KCNMA1: variants seen among roughly 807,000 people sequenced by gnomAD.
KCNMA1 encodes the protein Calcium-activated potassium channel subunit alpha-1.
KCNMA1 carries 29 observed loss-of-function variants against 140.0 expected under a neutral mutation model. The observed-to-expected ratio is 0.21, with a 90% CI of 0.15 to 0.28. The LOEUF (loss-of-function observed/expected upper bound fraction) is 0.28. KCNMA1 is among the 10% of genes least tolerant of loss of function. The pLI is 1.00. For synonymous variants in KCNMA1, 612 were observed against 611.9 expected (o/e 1.00, Z 0.00); for missense variants, 880 against 1,602.2 (o/e 0.55, Z 7.70).
intron 5 of KCNMA1, among the ~76,000 whole-genome samples, chr10:77,154,090 G>C (rs539840074): frequency 9.4e-4 from 143 of 152,180 alleles, no homozygotes; most frequent in African/African-American, 3.1e-3. Flanking sequence ...TGCTTTTCTC[G>C]TGATAGTGAG....
intron 2 of KCNMA1, 43 bp from the exon 3 acceptor site, chr10:77,251,299 T>A: frequency 6.5e-7 from 1 of 1,535,824 alleles, no homozygotes; most frequent in African/African-American, 1.4e-5. Flanking sequence ...GAGTTGGACC[T>A]CAGGATGTTT....
At chr10:77,196,818 C>T (rs1460719335) in intron 3 of KCNMA1, among the ~76,000 whole-genome samples, 2 of 152,088 alleles carry the variant, frequency 1.3e-5, no homozygotes, top group African/African-American at 2.4e-5. Context: ...GAATGCCTCG[C>T]CTTTCATTTT....
chr10:77,620,976 A>G (rs1277542709), intron 1 of KCNMA1, among the ~76,000 whole-genome samples: 1 of 152,210 alleles, frequency 6.6e-6, no homozygotes, highest in Non-Finnish European at 1.5e-5. Flanking sequence ...ATGATGTCTT[A>G]CATGACCCCA....
intron 6 of KCNMA1, among the ~76,000 whole-genome samples, chr10:77,119,398 C>T (rs577329979): frequency 2.2e-4 from 33 of 152,282 alleles, no homozygotes; most frequent in African/African-American, 7.0e-4. Flanking sequence ...GAGAGACAGA[C>T]ACTACCCAAT....
chr10:77,467,672 G>A (rs958518996), intron 1 of KCNMA1, among the ~76,000 whole-genome samples: 3 of 152,242 alleles, frequency 2.0e-5, no homozygotes, highest in Non-Finnish European at 4.4e-5. Flanking sequence ...CCAGACTTGA[G>A]AGAGGACAGT....
intron 5 of KCNMA1, among the ~76,000 whole-genome samples, chr10:77,177,569 G>C (rs907523547): frequency 2.6e-5 from 4 of 151,356 alleles, no homozygotes; most frequent in Non-Finnish European, 4.4e-5. Context: ...AAACACCTGA[G>C]CTCAGGGGTC....
chr10:76,883,469 A>C (rs1172642828), downstream of KCNMA1, among the ~76,000 whole-genome samples: 1 of 152,164 alleles, frequency 6.6e-6, no homozygotes, highest in Admixed American at 6.5e-5. Context: ...CTTTGGGAAG[A>C]ACCTGGGTAG....
At chr10:77,575,668 G>A (rs141547647) in intron 1 of KCNMA1, among the ~76,000 whole-genome samples, 116 of 152,368 alleles carry the variant, frequency 7.6e-4, no homozygotes, top group Middle Eastern at 3.4e-3. Context: ...AATATTGGCT[G>A]CACATTAGGA....
intron 2 of KCNMA1, among the ~76,000 whole-genome samples, chr10:77,320,646 T>C (rs1295385427): frequency 6.6e-6 from 1 of 152,188 alleles, no homozygotes; most frequent in African/African-American, 2.4e-5. Flanking sequence ...GCCTCACTTC[T>C]TCCTCGTTGT....
intron 3 of KCNMA1, among the ~76,000 whole-genome samples, chr10:77,189,003 C>G (rs577693279): frequency 1.3e-5 from 2 of 152,096 alleles, no homozygotes; most frequent in African/African-American, 2.4e-5. Flanking sequence ...GCTGCCGAAC[C>G]CTGTGAAGCT....
At position 77,504,337 on chromosome 10, in the gene KCNMA1, T is replaced by C. The variant is rs367851090; in HGVS notation, c.379-100314A>G. On this transcript the variant is annotated intron_variant, in intron 1 of 27. Transcript: ENST00000286628. Reference sequence around the variant, plus strand: ...GGAACCCAGTTCTGTTTCACTGCTCTTCAAGTGTAACCTTCATCATAGTCT... The same window carrying C: ...GGAACCCAGTTCTGTTTCACTGCTCCTCAAGTGTAACCTTCATCATAGTCT... Among the ~76,000 whole-genome samples the C allele has an allele frequency of 7.2e-5, 11 of 152,280 alleles. 1 individual carries two copies. Among genetic ancestry groups the C allele is most frequent in the African/African-American group, 2.6e-4 (11 of 41,556 alleles).
chr10:76,953,116 C>T (rs1163420748), intron 21 of KCNMA1, among the ~76,000 whole-genome samples: 2 of 152,130 alleles, frequency 1.3e-5, no homozygotes, highest in Non-Finnish European at 2.9e-5. Context: ...AAGCCTTCCA[C>T]GAAATAGGGC....
chr10:77,103,124 T>G (rs2097134262), intron 9 of KCNMA1, among the ~76,000 whole-genome samples: 2 of 152,228 alleles, frequency 1.3e-5, no homozygotes, highest in Admixed American at 6.5e-5. Flanking sequence ...ACTCAATTAT[T>G]TCTTCTAAAG....
Position 76,887,317 on chromosome 10 carries a change from C to G in KCNMA1, c.3660G>C (p.Lys1220Asn). The G allele has an allele frequency of 6.2e-7, 1 of 1,614,114 alleles. No individual in the cohort carries two copies. Among genetic ancestry groups the G allele is most frequent in the Non-Finnish European group, 8.5e-7 (1 of 1,180,002 alleles). Residue 1220 changes from lysine to asparagine, a missense_variant, in exon 28 of 28, where the codon AAG (lysine) becomes AAC (asparagine). Lys to Asn is a moderately conservative substitution (Grantham distance 94). Around this residue, in one of 13 missense-constraint regions of KCNMA1, gnomAD observed 115 missense variants for 139.9 expected, o/e 0.82. Transcript: ENST00000286628. Reference sequence around the variant, plus strand: ...TCTGTTTGTCCCGGGACTCCCTGGACTTGGGCCGGTTCTGTCGGTTTGCTG... The same window carrying G: ...TCTGTTTGTCCCGGGACTCCCTGGAGTTGGGCCGGTTCTGTCGGTTTGCTG... ...PSTANRQNRP[K>N]SRESRDKQKY...
chr10:77,139,853 T>A (rs532807981), intron 5 of KCNMA1, among the ~76,000 whole-genome samples: 5 of 151,850 alleles, frequency 3.3e-5, no homozygotes, highest in Non-Finnish European at 7.4e-5. Flanking sequence ...GCTCCCATGG[T>A]CAAATGTAAG....
At chr10:76,927,769 C>G (rs1012508766) in intron 23 of KCNMA1, among the ~76,000 whole-genome samples, 2 of 152,114 alleles carry the variant, frequency 1.3e-5, no homozygotes, top group African/African-American at 4.8e-5. Flanking sequence ...AGGAAAGGGT[C>G]AGGTAATTTA....
chr10:77,216,920 C>T (rs2047963192), intron 3 of KCNMA1, among the ~76,000 whole-genome samples: 1 of 152,146 alleles, frequency 6.6e-6, no homozygotes, highest in Non-Finnish European at 1.5e-5. Context: ...GTGGCACAGC[C>T]AGGATCCTAA....
chr10:77,281,361 G>C (rs1267936613), intron 2 of KCNMA1, among the ~76,000 whole-genome samples: 3 of 152,196 alleles, frequency 2.0e-5, no homozygotes, highest in Admixed American at 2.0e-4. Context: ...AAGGGGTACA[G>C]GTTGCATTTG....
intron 15 of KCNMA1, among the ~76,000 whole-genome samples, chr10:77,035,145 G>A (rs1464249527): frequency 6.6e-6 from 1 of 152,234 alleles, no homozygotes; most frequent in Non-Finnish European, 1.5e-5. Context: ...AAAGAGGAAA[G>A]CAATTTGCTG....
Sources: gnomAD v4.1 joint callset for allele counts (sites outside exome capture counted in the v4.1 genomes callset) on GRCh38, gnomAD v4.1.1 for gene constraint, gnomAD v4.1.1 regional missense constraint, MANE v1.5 for transcripts, NCBI Gene and HGNC (gene_info 2026-07-23, HGNC 2026-07-21) for gene names.